Variants in SMIM17 observed in about 807,000 individuals in gnomAD.
SMIM17 encodes the protein small integral membrane protein 17.
SMIM17 carries 10 observed loss-of-function variants against 12.2 expected under a neutral mutation model. The ratio of observed to expected loss-of-function variants is 0.82; its 90% CI spans 0.50 to 1.39. SMIM17 has a LOEUF of 1.39. Ranked by LOEUF, SMIM17 falls within the 40% of genes most tolerant of loss-of-function variation. The pLI is 0.00. For missense variants in SMIM17, 136 were observed against 118.2 expected, an observed-to-expected ratio of 1.15 and a Z score of -0.70; for synonymous variants, 50 against 44.1, an observed-to-expected ratio of 1.13 and a Z score of -0.53.
intron 1 of SMIM17, among the ~76,000 whole-genome samples, chr19:56,643,837 G>T (rs1221219317): frequency 6.6e-6 from 1 of 152,222 alleles, no homozygotes; most frequent in African/African-American, 2.4e-5. Context: ...GGGATTCGCA[G>T]GGCTCAGCAG....
At position 56,656,095 on chromosome 19, in the gene SMIM17, C is replaced by A. The variant is rs2045149234; in HGVS notation, c.*882C>A. Among the ~76,000 whole-genome samples, 1 of 151,868 alleles carries A rather than the reference C, an allele frequency of 6.6e-6. No homozygotes were observed. Among genetic ancestry groups the A allele is most frequent in the African/African-American group, 2.4e-5 (1 of 41,346 alleles). On this transcript the variant is annotated 3_prime_UTR_variant, in exon 4 of 4. Transcript: ENST00000598409. ...AAGTAGCTGGGACTACAGGCGCCCACCACCATGCCCAGCTAATTTTTTGTA... is the reference window on the plus strand; with the variant it reads ...AAGTAGCTGGGACTACAGGCGCCCAACACCATGCCCAGCTAATTTTTTGTA...
At chr19:56,654,298 G>C (rs762966197) in intron 3 of SMIM17, among the ~76,000 whole-genome samples, 5 of 152,218 alleles carry the variant, frequency 3.3e-5, no homozygotes, top group Non-Finnish European at 7.4e-5. Context: ...ATTCCAGGAA[G>C]AAGAACTCGT....
chr19:56,646,202 C>T (rs1237789023), intron 2 of SMIM17, among the ~76,000 whole-genome samples: 1 of 152,072 alleles, frequency 6.6e-6, no homozygotes, highest in Non-Finnish European at 1.5e-5. Flanking sequence ...GAGGACAGGC[C>T]ATGTGTCTCC....
intron 3 of SMIM17, among the ~76,000 whole-genome samples, chr19:56,650,562 G>A (rs1568518379): frequency 6.6e-6 from 1 of 152,160 alleles, no homozygotes; most frequent in Non-Finnish European, 1.5e-5. Context: ...TTGTGAGATT[G>A]TTAGCATGGT....
At position 56,645,671 on chromosome 19, in the gene SMIM17, C is replaced by A; in HGVS notation, c.4C>A (p.Gln2Lys). The change falls in exon 2 of 4, where the codon CAG (glutamine) becomes AAG (lysine). Residue 2 changes from glutamine to lysine, a missense_variant. Coordinates refer to ENST00000598409, the MANE Select transcript of SMIM17 (RefSeq NM_001193628.2). MQSLRPEQTRGL... is the reference protein window; with the variant it reads MKSLRPEQTRGL... ...AGCTCCACCTCCTCCTGGGGCAATG[C>A]AGAGTCTCAGGCCTGAGCAGACACG... The A allele has an allele frequency of 1.3e-6, 2 of 1,500,828 alleles. No homozygotes were observed. The highest frequency in any genetic ancestry group is 1.3e-5 in the South Asian group (1 of 78,872). The allele number at this position is 1,500,828 out of a possible 1,614,324, so 93.0% of individuals were successfully genotyped here. A position where few individuals can be genotyped will look rare whatever the true frequency, so the allele number is the denominator to read the frequency against.
chr19:56,646,141 G>T (rs189200444), intron 2 of SMIM17, among the ~76,000 whole-genome samples: 23 of 152,248 alleles, frequency 1.5e-4, no homozygotes, highest in African/African-American at 5.5e-4. Flanking sequence ...ATCTCAGATG[G>T]CTTTACCCCC....
At chr19:56,645,205 ATGTG>A (rs144250555) in intron 1 of SMIM17, among the ~76,000 whole-genome samples, 2 of 150,972 alleles carry the variant, frequency 1.3e-5, no homozygotes, top group Non-Finnish European at 3.0e-5. Flanking sequence ...GTGAATGTGG[ATGTG>A]TGTGTGTTTG....
At chr19:56,644,280 C>G (rs2045045454) in intron 1 of SMIM17, among the ~76,000 whole-genome samples, 1 of 152,126 alleles carries the variant, frequency 6.6e-6, no homozygotes, top group African/African-American at 2.4e-5. Context: ...CACTCTTTCC[C>G]ACGAAGGTCC....
intron 3 of SMIM17, among the ~76,000 whole-genome samples, chr19:56,651,319 T>C (rs1835898927): frequency 6.6e-6 from 1 of 152,178 alleles, no homozygotes; most frequent in Admixed American, 6.5e-5. Flanking sequence ...TCTTAACCAC[T>C]AGGTGTCCTG....
rs1478075210 is a variant in SMIM17, at chr19:56,656,068, C to T, written c.*855C>T. 1.3e-5 allele frequency among the ~76,000 whole-genome samples: 2 copies of T among 151,780 alleles called. No homozygotes were observed. The highest frequency in any genetic ancestry group is 4.8e-5 in the African/African-American group (2 of 41,320). ...CATGCCATTCTCCTGCCTCAGCCTC[C>T]CAAGTAGCTGGGACTACAGGCGCCC... On this transcript the variant is annotated 3_prime_UTR_variant, in exon 4 of 4. Coordinates refer to ENST00000598409, the MANE Select transcript of SMIM17 (RefSeq NM_001193628.2).
chr19:56,645,558 T>C lies in SMIM17; in HGVS notation c.-100-10T>C. The C allele has an allele frequency of 9.0e-6, 9 of 996,712 alleles. No individual in the cohort carries two copies. The highest frequency in any genetic ancestry group is 1.2e-5 in the Non-Finnish European group (9 of 721,594). 61.7% of individuals were successfully genotyped at this position (996,712 alleles called of 1,614,324 possible). ...TGTAATGATTCACTGAATGATGAAA[T>C]GTCCATCAGTCCTCAGGTTCTGAAT... is the stretch of plus-strand genomic sequence containing the variant. On this transcript the variant is annotated splice_polypyrimidine_tract_variant and intron_variant, in intron 1 of 3. Transcript: ENST00000598409.
intron 3 of SMIM17, among the ~76,000 whole-genome samples, chr19:56,648,136 A>G (rs1353381220): frequency 1.5e-4 from 1 of 6,882 alleles, no homozygotes; most frequent in Non-Finnish European, 2.3e-4. Context: ...CCACTTATCC[A>G]TCCATCCATC....
intron 3 of SMIM17, among the ~76,000 whole-genome samples, chr19:56,649,683 G>T (rs1014603317): frequency 1.3e-5 from 2 of 152,150 alleles, no homozygotes; most frequent in African/African-American, 4.8e-5. Flanking sequence ...CAAAGGCCCT[G>T]AGGTACAGAT....
intron 2 of SMIM17, among the ~76,000 whole-genome samples, chr19:56,646,815 A>G (rs1049928228): frequency 1.3e-5 from 2 of 152,132 alleles, no homozygotes; most frequent in Admixed American, 6.5e-5. Flanking sequence ...GCCCAAACAG[A>G]TGGATAAAGG....
At chr19:56,647,689 C>A (rs918058801) in intron 3 of SMIM17, 55 bp downstream of exon 3, 9 of 1,410,068 alleles carry the variant, frequency 6.4e-6, no homozygotes, top group Admixed American at 2.1e-5. Flanking sequence ...TAGATCTCAG[C>A]ACTTTGTCAC....
chr19:56,647,667 T>C (rs1162429993), intron 3 of SMIM17, 33 bp downstream of exon 3: 3 of 1,502,230 alleles, frequency 2.0e-6, no homozygotes, highest in Admixed American at 3.9e-5. Context: ...TTTCCACAAA[T>C]GTCCCACTCT....
At chr19:56,654,558 T>C (rs4801351) in intron 3 of SMIM17, among the ~76,000 whole-genome samples, 70,184 of 152,092 alleles carry the variant, frequency 0.46, 16,626 homozygotes, top group East Asian at 0.64. Context: ...CAGTACTTGC[T>C]GATGTCTTGA....
intron 1 of SMIM17, among the ~76,000 whole-genome samples, chr19:56,644,023 C>G (rs2045043723): frequency 6.6e-6 from 1 of 151,958 alleles, no homozygotes; most frequent in Non-Finnish European, 1.5e-5. Context: ...CTCCCCCCAC[C>G]ATACCTCTGT....
rs912228492 is a variant in SMIM17 at position 56,645,760 on chromosome 19, G to A, written c.93G>A (p.Lys31=). 6 of 1,535,998 alleles carry A rather than the reference G, an allele frequency of 3.9e-6. No homozygotes were observed. The highest frequency in any genetic ancestry group is 5.2e-6 in the Non-Finnish European group (6 of 1,146,868). ...CTCGGGAGAGCCGGGCCTGGGAGAA[G>A]CCTCCTCATCCCGCCTGCACCAAAG... The part of the protein sequence containing the change: ...LLPRESRAWE[K]PPHPACTKDW... The change falls in exon 2 of 4, where the codon AAG becomes AAA. Residue 31 remains lysine, a synonymous_variant. Coordinates refer to ENST00000598409, the MANE Select transcript of SMIM17 (RefSeq NM_001193628.2).
Sources: gnomAD v4.1 joint callset for allele counts (sites outside exome capture counted in the v4.1 genomes callset) on GRCh38, gnomAD v4.1.1 for gene constraint, MANE v1.5 for transcripts, NCBI Gene and HGNC (gene_info 2026-07-23, HGNC 2026-07-21) for gene names.